Variants in C1R observed in about 807,000 individuals in gnomAD.
The protein encoded by C1R is complement C1r subcomponent.
In C1R, 15 loss-of-function variants were observed where a neutral mutation model predicts 27.6. The observed-to-expected ratio is 0.54, with a 90% confidence interval of 0.36 to 0.84. The LOEUF (loss-of-function observed/expected upper bound fraction) is 0.84. Ranked by LOEUF, C1R falls within the 40% of genes least tolerant of loss-of-function variation. The probability of loss-of-function intolerance (pLI) is 0.01; values close to 1 mark genes in which losing one functional copy is unlikely to be tolerated. For missense variants in C1R, 544 were observed against 577.9 expected (o/e 0.94, Z 0.60); for synonymous variants, 253 against 228.8 (o/e 1.11, Z -0.95).
intron 4 of C1R, 33 bp from the exon 5 acceptor site, chr12:7,089,522 G>C (rs752425153): frequency 1.3e-6 from 1 of 779,676 alleles, no homozygotes; most frequent in South Asian, 1.3e-5. Flanking sequence ...CATTACGGGG[G>C]ACTCCAGCTG....
intron 10 of C1R, 139 bp from the exon 11 acceptor site, chr12:7,081,440 C>T: frequency 1.4e-6 from 1 of 710,908 alleles, no homozygotes; most frequent in Non-Finnish European, 2.5e-6. Context: ...CCCCACACCT[C>T]CGTCATTGGC....
At chr12:7,086,080 A>G (rs1938152446) in intron 8 of C1R, 64 bp from the exon 9 acceptor site, 1 of 398,464 alleles carries the variant, frequency 2.5e-6, no homozygotes, top group Non-Finnish European at 4.4e-6. Context: ...CAGTGAGGGG[A>G]GTGTGAGTTG....
Position 7,080,538 on chromosome 12 carries a change from C to G in C1R, c.2112G>C (p.Glu704Asp). 6.4e-7 allele frequency: 1 copy of G among 1,561,488 alleles called. No individual in the cohort carries two copies. The highest frequency in any genetic ancestry group is 2.3e-5 in the East Asian group (1 of 44,370). Reference sequence around the variant, plus strand: ...AACCTAGTGAATTCTGGGCTCAGTCCTCCTCCTCCATCTCTTTCTTGATCC... The same window carrying G: ...AACCTAGTGAATTCTGGGCTCAGTCGTCCTCCTCCATCTCTTTCTTGATCC... ...VDWIKKEMEEED is the reference protein window; with the variant it reads ...VDWIKKEMEEDD Residue 704 changes from glutamate (E) to aspartate (D), a missense_variant, in exon 11 of 11, where the codon GAG becomes GAC. By Grantham distance (45) the Glu-to-Asp change is conservative. Transcript: ENST00000647956. The surrounding 1 kb of genome is among the most constrained non-coding windows in gnomAD (Gnocchi z 4.9).
intron 7 of C1R, among the ~76,000 whole-genome samples, chr12:7,088,046 C>T (rs764778637): frequency 2.6e-5 from 4 of 152,210 alleles, no homozygotes; most frequent in Non-Finnish European, 4.4e-5. Context: ...GGGGAGACCA[C>T]CAACATGTGT....
rs1352371420 is a variant in C1R at position 7,081,144 on chromosome 12, G to A, written c.1506C>T (p.His502=). The change falls in exon 11 of 11, where the codon CAC becomes CAT. Residue 502 remains histidine, a synonymous_variant. Coordinates refer to ENST00000647956, the MANE Select transcript of C1R (RefSeq NM_001733.7). ...CTTCGTGTTCCTTGGGATACAGGGT[G>A]TGGGCAGCTGTGAGGATCCAGCGGT... ...LGDRWILTAA[H]TLYPKEHEAQ... 1.9e-6 allele frequency: 3 copies of A among 1,614,042 alleles called. No individual in the cohort carries two copies.
At chr12:7,088,391 C>T (rs1194532412) in intron 7 of C1R, 1 of 701,046 alleles carries the variant, frequency 1.4e-6, no homozygotes, top group Non-Finnish European at 2.6e-6. Flanking sequence ...AGTGGCTATT[C>T]ACAGGGGCCT....
In C1R at chr12:7,081,180, G is replaced by C; in HGVS notation, c.1470C>G (p.Ala490=). Reference sequence around the variant, plus strand: ...TGAGGATCCAGCGGTCGCCCAGCAGGGCCCCGCCCCCGCGCCCGTGGATGT... The same window carrying C: ...TGAGGATCCAGCGGTCGCCCAGCAGCGCCCCGCCCCCGCGCCCGTGGATGT... The part of the protein sequence containing the change: ...FTNIHGRGGG[A]LLGDRWILTA... Residue 490 remains alanine (A), a synonymous_variant, in exon 11 of 11, where the codon GCC becomes GCG. Coordinates refer to ENST00000647956, the MANE Select transcript of C1R (RefSeq NM_001733.7). The C allele has an allele frequency of 1.2e-6, 2 of 1,613,904 alleles. No individual in the cohort carries two copies. Among genetic ancestry groups the C allele is most frequent in the Non-Finnish European group, 1.7e-6 (2 of 1,179,834 alleles).
At chr12:7,082,847 C>T (rs1938088585) in intron 9 of C1R, among the ~76,000 whole-genome samples, 2 of 152,102 alleles carry the variant, frequency 1.3e-5, no homozygotes, top group Admixed American at 6.6e-5. Flanking sequence ...TATAGTGACA[C>T]TTGCAGGTGT....
At position 7,092,396 on chromosome 12, in the gene C1R, G is replaced by T. The variant is rs751439309; in HGVS notation, c.-8C>A. 3.2e-5 allele frequency: 25 copies of T among 780,712 alleles called. No individual in the cohort carries two copies. In the South Asian group the frequency reaches 3.4e-4, roughly 10 times the overall value. 48.4% of individuals were successfully genotyped at this position (780,712 alleles called of 1,614,324 possible). ...CATCACCCTTACTCACATTTCTCAA[G>T]GCCCGTGTTGAATCCTGGGCTCTCC... On this transcript the variant is annotated 5_prime_UTR_variant, in exon 1 of 11. Coordinates refer to ENST00000647956, the MANE Select transcript of C1R (RefSeq NM_001733.7).
chr12:7,088,387 T>C (rs1938188121), intron 7 of C1R: 2 of 700,912 alleles, frequency 2.9e-6, no homozygotes, highest in Non-Finnish European at 5.2e-6. Context: ...GTGCAGTGGC[T>C]ATTCACAGGG....
intron 2 of C1R, chr12:7,090,492 T>C (rs776537873): frequency 2.8e-5 from 14 of 503,992 alleles, no homozygotes; most frequent in Admixed American, 7.0e-5. Flanking sequence ...CCTTTCCCTG[T>C]TTTCTGCTCC....
In C1R at chr12:7,091,506, G is replaced by C. The variant is rs369728296; in HGVS notation, c.177C>G (p.Val59=). 10 of 778,280 alleles carry C rather than the reference G, an allele frequency of 1.3e-5. No individual in the cohort carries two copies. The highest frequency in any genetic ancestry group is 2.2e-5 in the Non-Finnish European group (9 of 416,932). 48.2% of individuals were successfully genotyped at this position (778,280 alleles called of 1,614,324 possible). The change falls in exon 2 of 11, where the codon GTC becomes GTG. Residue 59 remains valine, a synonymous_variant. Coordinates refer to ENST00000647956, the MANE Select transcript of C1R (RefSeq NM_001733.7). The surrounding 1 kb of genome is among the most constrained non-coding windows in gnomAD (Gnocchi z 5.1). The stretch of plus-strand genomic sequence containing the variant: ...AAGGCTCCAGGTCAAACTGCTGGAA[G>C]ACGAGCTTCACCCTGTATCCCGTGG... ...TVPTGYRVKL[V]FQQFDLEPSE... is the part of the protein sequence containing the mutation.
intron 4 of C1R, 35 bp from the exon 5 acceptor site, chr12:7,089,524 C>A: frequency 1.3e-6 from 1 of 779,770 alleles, no homozygotes; most frequent in Non-Finnish European, 2.4e-6. Flanking sequence ...TTACGGGGGA[C>A]TCCAGCTGGC....
intron 7 of C1R, 114 bp from the exon 8 acceptor site, chr12:7,086,571 T>C: frequency 2.8e-6 from 1 of 352,750 alleles, no homozygotes; most frequent in Non-Finnish European, 4.9e-6. Context: ...GGCTCCCCCA[T>C]GGATGTGGCT....
chr12:7,090,499 C>T, intron 2 of C1R: 1 of 500,814 alleles, frequency 2.0e-6, no homozygotes, highest in East Asian at 3.3e-5. Context: ...CTGTTTTCTG[C>T]TCCTCTGGCA....
At position 7,088,658 on chromosome 12, in the gene C1R, G is replaced by A; in HGVS notation, c.990C>T (p.Phe330=). Residue 330 remains phenylalanine, a synonymous_variant, in exon 7 of 11, where the codon TTC becomes TTT. Coordinates refer to ENST00000647956, the MANE Select transcript of C1R (RefSeq NM_001733.7). ...TGCAGGTAGCAATGAAGTAGTCACG[G>A]AACTGGTACTGAGGCTGCAGGTTCT... ...IIQNLQPQYQ[F]RDYFIATCKQ... The A allele has an allele frequency of 2.7e-6, 2 of 753,900 alleles. No individual in the cohort carries two copies. Among genetic ancestry groups the A allele is most frequent in the Non-Finnish European group, 4.9e-6 (2 of 404,168 alleles). 46.7% of individuals were successfully genotyped at this position (753,900 alleles called of 1,614,324 possible). A position where few individuals can be genotyped will look rare whatever the true frequency, so the allele number is the denominator to read the frequency against.
intron 9 of C1R, among the ~76,000 whole-genome samples, chr12:7,083,393 G>C (rs1367385198): frequency 6.6e-6 from 1 of 152,262 alleles, no homozygotes; most frequent in East Asian, 1.9e-4. Flanking sequence ...GTTGGTAATG[G>C]TGTTAGTAAT....
At position 7,091,297 on chromosome 12, in the gene C1R, A is replaced by G; in HGVS notation, c.231+155T>C. The stretch of plus-strand genomic sequence containing the variant: ...CTCACCGAGGGCCTCTACACCAGTG[A>G]GCGCCCATCCAGGGCATCCCCGGGC... On this transcript the variant is annotated intron_variant, in intron 2 of 10. Coordinates refer to ENST00000647956, the MANE Select transcript of C1R (RefSeq NM_001733.7). This position sits in a 1 kb window ranked among gnomAD's most constrained non-coding sequence, Gnocchi z 5.1. 1.6e-6 allele frequency: 1 copy of G among 627,666 alleles called. No homozygotes were observed. The highest frequency in any genetic ancestry group is 2.8e-6 in the Non-Finnish European group (1 of 355,286). The allele number at this position is 627,666 out of a possible 1,614,324, so 38.9% of individuals were successfully genotyped here.
In C1R at chr12:7,090,134, A is replaced by T; in HGVS notation, c.346T>A (p.Phe116Ile). The change falls in exon 3 of 11, where the codon TTC (phenylalanine) becomes ATC (isoleucine). Residue 116 changes from phenylalanine to isoleucine, a missense_variant. Phe to Ile is a conservative substitution (Grantham distance 21, BLOSUM62 0). Transcript: ENST00000647956. ...MSQGNKMLLT[F>I]HTDFSNEENG... is the part of the protein sequence containing the mutation. ...TCCTCGTTGGAGAAGTCTGTGTGGA[A>T]GGTCAGCAGCATCTTGTTCCCTTGG... is the stretch of plus-strand genomic sequence containing the variant. 1 of 776,762 alleles carries T rather than the reference A, an allele frequency of 1.3e-6. No homozygotes were observed. The highest frequency in any genetic ancestry group is 2.4e-6 in the Non-Finnish European group (1 of 416,242). 48.1% of individuals were successfully genotyped at this position (776,762 alleles called of 1,614,324 possible). A position where few individuals can be genotyped will look rare whatever the true frequency, so the allele number is the denominator to read the frequency against.
Sources: allele counts gnomAD v4.1 joint callset (sites outside exome capture counted in the v4.1 genomes callset), GRCh38; gene constraint gnomAD v4.1.1; non-coding constraint Gnocchi (gnomAD v3.1); transcripts MANE v1.5; gene names NCBI Gene and HGNC (gene_info 2026-07-23, HGNC 2026-07-21).